The following TGM7 variants were observed in gnomAD, a reference collection of about 807,000 sequenced individuals.
The protein encoded by TGM7 is transglutaminase 7, also known as protein-glutamine gamma-glutamyltransferase Z.
In TGM7, 74 loss-of-function variants were observed where a neutral mutation model predicts 79.5. The observed-to-expected ratio is 0.93, with a 90% CI of 0.77 to 1.13. The LOEUF is 1.13. Ranked by LOEUF, TGM7 falls within the 50% of genes most tolerant of loss-of-function variation. TGM7 has a pLI of 0.00. For synonymous variants in TGM7, 354 were observed against 362.5 expected (o/e 0.98, Z 0.27); for missense variants, 912 against 905.9 (o/e 1.01, Z -0.09).
intron 2 of TGM7, 130 bp from the exon 3 acceptor site, chr15:43,293,084 T>C (rs372510306): frequency 6.0e-6 from 8 of 1,325,456 alleles, no homozygotes; most frequent in Non-Finnish European, 8.3e-6. Context: ...TGCCACCGAG[T>C]GTCCTCAGGC....
chr15:43,293,364 G>T, intron 2 of TGM7, 85 bp downstream of exon 2: 1 of 1,479,844 alleles, frequency 6.8e-7, no homozygotes, highest in Non-Finnish European at 9.0e-7. Context: ...AGCTCAGGTG[G>T]GAAAGGCAGG....
chr15:43,298,033 G>A (rs533053487), intron 1 of TGM7, among the ~76,000 whole-genome samples: 1 of 152,246 alleles, frequency 6.6e-6, no homozygotes, highest in African/African-American at 2.4e-5. Context: ...GCATTGTTTA[G>A]AGCATTTTAC....
At chr15:43,287,966 T>C (rs2042944526) in intron 4 of TGM7, among the ~76,000 whole-genome samples, 1 of 152,004 alleles carries the variant, frequency 6.6e-6, no homozygotes, top group African/African-American at 2.4e-5. Context: ...TTGGTGCCAA[T>C]GGGCTTTGAT....
chr15:43,279,678 G>T lies in TGM7; in HGVS notation c.1625C>A (p.Thr542Asn). Residue 542 changes from threonine to asparagine, a missense_variant, in exon 10 of 13, where the codon ACC (threonine) becomes AAC (asparagine). Thr to Asn is a moderately conservative substitution (Grantham distance 65). Transcript: ENST00000452443. ...TGTGTGCCTCCAGAAGGGCTTCTGG[G>T]TACCACCCCCATGCAGCAGGGCCTG... ...CAQALLHGGG[T>N]QKPFWRHTVR... 6.2e-7 allele frequency: 1 copy of T among 1,612,918 alleles called. No homozygotes were observed. Among genetic ancestry groups the T allele is most frequent in the Non-Finnish European group, 8.5e-7 (1 of 1,179,456 alleles).
chr15:43,300,817 G>GTA (rs1041165922), intron 1 of TGM7, among the ~76,000 whole-genome samples: 3 of 152,016 alleles, frequency 2.0e-5, no homozygotes, highest in Admixed American at 6.6e-5. Context: ...AAATATATGT[G>GTA]TATATATATA....
chr15:43,277,446 G>C (rs942413958), intron 11 of TGM7, among the ~76,000 whole-genome samples: 3 of 152,184 alleles, frequency 2.0e-5, no homozygotes, highest in Non-Finnish European at 4.4e-5. Context: ...CTGCCCTTAC[G>C]CTCATCACCG....
At chr15:43,278,152 A>G (rs1277514301) in intron 11 of TGM7, among the ~76,000 whole-genome samples, 1 of 152,186 alleles carries the variant, frequency 6.6e-6, no homozygotes, top group East Asian at 1.9e-4. Flanking sequence ...GGAGCTGCCC[A>G]GTTCTCTATT....
rs376871955 is a variant in TGM7, at chr15:43,296,297, C to T, written c.11-2666G>A. Reference sequence around the variant, plus strand: ...AAAATTAGCCGGGCGTGGTGGCGGGCACCTGTAATCTCAGCTACTCAGGAG... The same window carrying T: ...AAAATTAGCCGGGCGTGGTGGCGGGTACCTGTAATCTCAGCTACTCAGGAG... On this transcript the variant is annotated intron_variant, in intron 1 of 12. Transcript: ENST00000452443. Among the ~76,000 whole-genome samples the T allele has an allele frequency of 2.2e-4, 33 of 152,054 alleles. No homozygotes were observed. The East Asian group carries it at 4.1e-3, about 19-fold the overall frequency.
chr15:43,300,971 A>C (rs556983945), intron 1 of TGM7, among the ~76,000 whole-genome samples: 1 of 152,092 alleles, frequency 6.6e-6, no homozygotes, highest in East Asian at 1.9e-4. Flanking sequence ...AAAACCATTT[A>C]TATCTCTATT....
At chr15:43,284,442 G>A (rs2042924886) in intron 7 of TGM7, among the ~76,000 whole-genome samples, 1 of 152,158 alleles carries the variant, frequency 6.6e-6, no homozygotes, top group Non-Finnish European at 1.5e-5. Context: ...ACAAGAAGAG[G>A]TCTACAGAAG....
At chr15:43,288,433 C>T (rs1357946323) in intron 4 of TGM7, among the ~76,000 whole-genome samples, 2 of 151,988 alleles carry the variant, frequency 1.3e-5, no homozygotes, top group Admixed American at 6.6e-5. Context: ...GGAAACGTTG[C>T]CCAGAGCCAA....
chr15:43,298,009 C>G (rs1262417558), intron 1 of TGM7, among the ~76,000 whole-genome samples: 1 of 152,244 alleles, frequency 6.6e-6, no homozygotes, highest in Non-Finnish European at 1.5e-5. Flanking sequence ...TCGTGGAATA[C>G]TTACCAATGC....
intron 1 of TGM7, among the ~76,000 whole-genome samples, chr15:43,297,666 C>A (rs2043006291): frequency 7.3e-6 from 1 of 136,762 alleles, no homozygotes; most frequent in Non-Finnish European, 1.6e-5. Context: ...ATTGAAACAG[C>A]CATCTGCATG....
chr15:43,284,544 G>T (rs1036127033), intron 7 of TGM7, among the ~76,000 whole-genome samples: 7 of 152,190 alleles, frequency 4.6e-5, no homozygotes, highest in Non-Finnish European at 1.0e-4. Context: ...AAAGACTTTT[G>T]AGGTCAGTGT....
At position 43,287,312 on chromosome 15, in the gene TGM7, T is replaced by G. The variant is rs755678509; in HGVS notation, c.833A>C (p.Gln278Pro). The G allele has an allele frequency of 6.2e-7, 1 of 1,613,926 alleles. No individual in the cohort carries two copies. Among genetic ancestry groups the G allele is most frequent in the Non-Finnish European group, 8.5e-7 (1 of 1,180,024 alleles). Residue 278 changes from glutamine (Q) to proline (P), a missense_variant, in exon 6 of 13, where the codon CAG becomes CCG. Physicochemically the swap from Gln to Pro is moderately conservative, Grantham distance 76 (BLOSUM62 -1). Transcript: ENST00000452443. Reference protein sequence around the residue: ...ARGGQPVKYGQCWVFASVMCT... With the variant: ...ARGGQPVKYGPCWVFASVMCT... The stretch of plus-strand genomic sequence containing the variant: ...CATAACAGAGGCGAAGACCCAGCAC[T>G]GTCCGTACTTCACAGGCTGCCCGCC...
At chr15:43,287,722 T>G in intron 4 of TGM7, 53 bp from the exon 5 acceptor site, 1 of 1,568,702 alleles carries the variant, frequency 6.4e-7, no homozygotes. Context: ...TCTAGACTTC[T>G]GAAACTTTAA....
chr15:43,297,406 T>C (rs1015448720), intron 1 of TGM7, among the ~76,000 whole-genome samples: 3 of 150,536 alleles, frequency 2.0e-5, no homozygotes, highest in African/African-American at 7.4e-5. Flanking sequence ...TGAGCTGAGA[T>C]CGTACCATTG....
chr15:43,278,927 G>A (rs1352189519), intron 11 of TGM7, among the ~76,000 whole-genome samples, 190 bp downstream of exon 11: 1 of 152,164 alleles, frequency 6.6e-6, no homozygotes. Context: ...CTGAAAAATA[G>A]CACGTCCTTT....
At chr15:43,284,279 G>C (rs1025372645) in intron 7 of TGM7, among the ~76,000 whole-genome samples, 3 of 152,122 alleles carry the variant, frequency 2.0e-5, no homozygotes, top group African/African-American at 7.2e-5. Context: ...TTTGCGGGTA[G>C]AGCTGAGAAC....
Sources: allele counts gnomAD v4.1 joint callset (sites outside exome capture counted in the v4.1 genomes callset), GRCh38; gene constraint gnomAD v4.1.1; transcripts MANE v1.5; gene names NCBI Gene and HGNC (gene_info 2026-07-23, HGNC 2026-07-21).